SREK1IP1: variants seen among roughly 807,000 people sequenced by gnomAD.
SREK1IP1 encodes protein SREK1IP1.
A neutral mutation model predicts 22.8 loss-of-function variants in SREK1IP1; 12 were observed. The ratio of observed to expected loss-of-function variants is 0.53; its 90% CI spans 0.34 to 0.85. The LOEUF (loss-of-function observed/expected upper bound fraction) is 0.85, where lower values mean the gene tolerates loss of function less well. Ranked by LOEUF, SREK1IP1 falls within the 40% of genes least tolerant of loss-of-function variation. The pLI is 0.02. For synonymous variants in SREK1IP1, 53 were observed against 52.7 expected (o/e 1.01, Z -0.02); for missense variants, 147 against 171.8 (o/e 0.86, Z 0.81).
rs952553542 is a variant in SREK1IP1 at position 64,721,349 on chromosome 5, T to G, written c.*3035A>C. 3 of 152,204 alleles carry G rather than the reference T, an allele frequency of 2.0e-5. No individual in the cohort carries two copies. The South Asian group carries it at 6.2e-4, about 31-fold the overall frequency. 9.4% of individuals were successfully genotyped at this position (152,204 alleles called of 1,614,324 possible). A position where few individuals can be genotyped will look rare whatever the true frequency, so the allele number is the denominator to read the frequency against. On this transcript the variant is annotated 3_prime_UTR_variant, in exon 5 of 5. Coordinates refer to ENST00000513458, the MANE Select transcript of SREK1IP1 (RefSeq NM_173829.4). ...AATATTTGTTGAAGAAAGGATTCAATGGCATTTTTATCAACATTATTAACA... is the reference window on the plus strand; with the variant it reads ...AATATTTGTTGAAGAAAGGATTCAAGGGCATTTTTATCAACATTATTAACA...
In SREK1IP1 at chr5:64,723,334, T is replaced by C. The variant is rs1390482035; in HGVS notation, c.*1050A>G. On this transcript the variant is annotated 3_prime_UTR_variant, in exon 5 of 5. Coordinates refer to ENST00000513458, the MANE Select transcript of SREK1IP1 (RefSeq NM_173829.4). ...TTTACTCTTGAGTTTGCCACTAAAG[T>C]AAAAGAGAGAAACATCCCAAACTGG... 1.3e-5 allele frequency: 2 copies of C among 152,000 alleles called. No homozygotes were observed. Among genetic ancestry groups the C allele is most frequent in the African/African-American group, 4.8e-5 (2 of 41,296 alleles). The allele number at this position is 152,000 out of a possible 1,614,324, so 9.4% of individuals were successfully genotyped here. A position where few individuals can be genotyped will look rare whatever the true frequency, so the allele number is the denominator to read the frequency against.
intron 2 of SREK1IP1, among the ~76,000 whole-genome samples, chr5:64,745,714 T>C (rs552649204): frequency 1.3e-5 from 2 of 152,312 alleles, no homozygotes; most frequent in African/African-American, 2.4e-5. Context: ...ATGACCATAC[T>C]GGTAGCAGTC....
chr5:64,764,583 G>A lies in SREK1IP1; in HGVS notation c.13+3922C>T, dbSNP rs187836342. ...AGTGTGCACTGCATTCTCGCAGAGA[G>A]AGATGGGGAGACTTGGCATTTTTAA... On this transcript the variant is annotated intron_variant, in intron 1 of 4. Coordinates refer to ENST00000513458, the MANE Select transcript of SREK1IP1 (RefSeq NM_173829.4). Among the ~76,000 whole-genome samples the A allele has an allele frequency of 1.1e-4, 17 of 152,310 alleles. No individual in the cohort carries two copies. In the East Asian group the frequency reaches 2.3e-3, roughly 21 times the overall value.
At chr5:64,726,403 G>C (rs1300778268) in intron 4 of SREK1IP1, among the ~76,000 whole-genome samples, 1 of 151,650 alleles carries the variant, frequency 6.6e-6, no homozygotes, top group Non-Finnish European at 1.5e-5. Context: ...GTGAAACCCT[G>C]TCTGTACTAA....
intron 1 of SREK1IP1, among the ~76,000 whole-genome samples, chr5:64,764,503 C>T (rs183095043): frequency 6.6e-6 from 1 of 152,210 alleles, no homozygotes; most frequent in Non-Finnish European, 1.5e-5. Flanking sequence ...TTGTAGAATG[C>T]ATGAGGGGAG....
chr5:64,752,139 TTTG>T (rs1319411459), intron 2 of SREK1IP1, among the ~76,000 whole-genome samples: 1 of 116,856 alleles, frequency 8.6e-6, no homozygotes, highest in South Asian at 2.7e-4. Context: ...GTGAATTTTT[TTTG>T]TGTGTTTTTT....
intron 1 of SREK1IP1, among the ~76,000 whole-genome samples, chr5:64,764,692 A>G (rs573927247): frequency 6.6e-6 from 1 of 152,318 alleles, no homozygotes; most frequent in African/African-American, 2.4e-5. Context: ...AAGTGGCTTG[A>G]AGAGAACTAC....
rs370811973 is a variant in SREK1IP1 at position 64,754,282 on chromosome 5, A to C, written c.61+33T>G. 24 of 1,606,142 alleles carry C rather than the reference A, an allele frequency of 1.5e-5. No homozygotes were observed. The African/African-American group carries it at 2.5e-4, about 17-fold the overall frequency. On this transcript the variant is annotated intron_variant, in intron 2 of 4. Coordinates refer to ENST00000513458, the MANE Select transcript of SREK1IP1 (RefSeq NM_173829.4). ...AAGAGGCCATGATTCCAGTATGAAT[A>C]ATGCAAAGCATGTCATCTTTTAGAA...
Position 64,741,054 on chromosome 5 carries a change from T to C in SREK1IP1, c.205+3A>G. 1 of 1,608,816 alleles carries C rather than the reference T, an allele frequency of 6.2e-7. No individual in the cohort carries two copies. Among genetic ancestry groups the C allele is most frequent in the Non-Finnish European group, 8.5e-7 (1 of 1,178,140 alleles). The stretch of plus-strand genomic sequence containing the variant: ...CTAAAGAATGGAAAAAAATATTGCT[T>C]ACTTTTTTCCTGTAATGCCTGCAAT... On this transcript the variant is annotated splice_donor_region_variant and intron_variant, in intron 3 of 4. Coordinates refer to ENST00000513458, the MANE Select transcript of SREK1IP1 (RefSeq NM_173829.4).
In SREK1IP1 at chr5:64,741,167, A is replaced by T; in HGVS notation, c.95T>A (p.Leu32His). The change falls in exon 3 of 5, where the codon CTC becomes CAC. Residue 32 changes from leucine to histidine, a missense_variant. Coordinates refer to ENST00000513458, the MANE Select transcript of SREK1IP1 (RefSeq NM_173829.4). The part of the protein sequence containing the change: ...GHLTFECRNF[L>H]RVDPKRDIVL... ...TATGTCCCTTTTAGGGTCTACTCGG[A>T]GAAAATTGCGGCATTCAAAAGTCAG... 3 of 1,611,950 alleles carry T rather than the reference A, an allele frequency of 1.9e-6. No homozygotes were observed. The highest frequency in any genetic ancestry group is 2.5e-6 in the Non-Finnish European group (3 of 1,178,866).
At position 64,734,389 on chromosome 5, in the gene SREK1IP1, T is replaced by C. The variant is rs1742423938; in HGVS notation, c.206-6210A>G. 3.9e-5 allele frequency among the ~76,000 whole-genome samples: 6 copies of C among 152,050 alleles called. No individual in the cohort carries two copies. The South Asian group carries it at 1.2e-3, about 31-fold the overall frequency. Reference sequence around the variant, plus strand: ...GGTTCTTTACATTTCCACAAGTACTTTAGAATTGGCTTGTCAATTTTTTTT... The same window carrying C: ...GGTTCTTTACATTTCCACAAGTACTCTAGAATTGGCTTGTCAATTTTTTTT... On this transcript the variant is annotated intron_variant, in intron 3 of 4. Transcript: ENST00000513458.
chr5:64,753,160 A>G (rs1742778119), intron 2 of SREK1IP1, among the ~76,000 whole-genome samples: 1 of 152,228 alleles, frequency 6.6e-6, no homozygotes, highest in Non-Finnish European at 1.5e-5. Context: ...GTGTTAGGTT[A>G]AAAGAAGTCC....
At chr5:64,735,547 G>A (rs1039915655) in intron 3 of SREK1IP1, among the ~76,000 whole-genome samples, 6 of 152,008 alleles carry the variant, frequency 3.9e-5, no homozygotes, top group South Asian at 2.1e-4. Context: ...TAAGAGATGC[G>A]GGGGTACTCT....
intron 2 of SREK1IP1, among the ~76,000 whole-genome samples, chr5:64,742,153 A>G (rs1742562873): frequency 6.6e-6 from 1 of 152,110 alleles, no homozygotes; most frequent in Non-Finnish European, 1.5e-5. Context: ...TTAACATAAC[A>G]GGTGTAATTT....
chr5:64,767,215 CT>C (rs1341982134), intron 1 of SREK1IP1, among the ~76,000 whole-genome samples: 1 of 152,190 alleles, frequency 6.6e-6, no homozygotes, highest in Admixed American at 6.5e-5. Context: ...TTCAGATCTC[CT>C]CCTAAGTGCT....
intron 4 of SREK1IP1, among the ~76,000 whole-genome samples, chr5:64,725,841 G>GT (rs558454743): frequency 2.6e-3 from 340 of 128,824 alleles, no homozygotes; most frequent in South Asian, 0.01. Context: ...TGGTCCTGAA[G>GT]TTTTTTTTTT....
chr5:64,738,545 A>G (rs984947820), intron 3 of SREK1IP1, among the ~76,000 whole-genome samples: 10 of 152,148 alleles, frequency 6.6e-5, no homozygotes, highest in African/African-American at 2.4e-4. Flanking sequence ...CTTAAGAAGA[A>G]CAAAGCTGTA....
chr5:64,747,431 C>A (rs892856301), intron 2 of SREK1IP1, among the ~76,000 whole-genome samples: 1 of 152,132 alleles, frequency 6.6e-6, no homozygotes, highest in South Asian at 2.1e-4. Context: ...GCTCCTATCA[C>A]CCGTATCACT....
intron 1 of SREK1IP1, among the ~76,000 whole-genome samples, chr5:64,759,540 T>A (rs1009459166): frequency 6.6e-6 from 1 of 152,030 alleles, no homozygotes; most frequent in African/African-American, 2.4e-5. Context: ...AAAAACTGAA[T>A]GGCAAAAACC....
Sources: gnomAD v4.1 joint callset for allele counts (sites outside exome capture counted in the v4.1 genomes callset) on GRCh38, gnomAD v4.1.1 for gene constraint, MANE v1.5 for transcripts, NCBI Gene and HGNC (gene_info 2026-07-23, HGNC 2026-07-21) for gene names.